AKT3: variants seen among roughly 807,000 people sequenced by gnomAD.
The protein encoded by AKT3 is RAC-gamma serine/threonine-protein kinase.
Under a neutral mutation model 65.3 loss-of-function variants are expected in AKT3, and 15 were observed. The observed-to-expected ratio is 0.23, with a 90% confidence interval of 0.15 to 0.35. The LOEUF is 0.35. Among genes scored for constraint, AKT3 ranks in the 10% least tolerant of loss-of-function variants. The pLI, the probability that AKT3 is intolerant of heterozygous loss-of-function variation, is 1.00. For missense variants in AKT3, 243 were observed against 576.5 expected (o/e 0.42, Z 5.92); for synonymous variants, 206 against 183.8 (o/e 1.12, Z -0.98).
chr1:243,626,442 A>G, intron 6 of AKT3, among the ~76,000 whole-genome samples: 1 of 152,320 alleles, frequency 6.6e-6, no homozygotes, highest in Admixed American at 6.5e-5. Flanking sequence ...CAAACACTCT[A>G]TGCACCCTAA....
intron 8 of AKT3, 102 bp from the exon 9 acceptor site, chr1:243,573,150 G>T: frequency 7.3e-7 from 1 of 1,369,358 alleles, no homozygotes; most frequent in Non-Finnish European, 1.0e-6. Flanking sequence ...TGTGATGATA[G>T]ATAGTGTACT....
chr1:243,572,829 C>T (rs2148506530), intron 9 of AKT3, 97 bp downstream of exon 9: 1 of 1,268,064 alleles, frequency 7.9e-7, no homozygotes, highest in East Asian at 2.5e-5. Context: ...CCAACTAAAT[C>T]TGCTTTTCTC....
Position 243,686,650 on chromosome 1 carries a change from T to TATATATATATATATATATATATA in AKT3, c.172+8940_172+8941insTATATATATATATATATATATAT, listed in dbSNP as rs1558719596. Among the ~76,000 whole-genome samples, 11 of 32,456 alleles carry TATATATATATATATATATATATA rather than the reference T, an allele frequency of 3.4e-4. 1 individual carries two copies. The highest frequency in any genetic ancestry group is 1.1e-3 in the African/African-American group (11 of 10,118). The allele number at this position is 32,456 out of a possible 152,430, so 21.3% of individuals were successfully genotyped here. A position where few individuals can be genotyped will look rare whatever the true frequency, so the allele number is the denominator to read the frequency against. ...GTTTTCATATATATATATATATATA[T>TATATATATATATATATATATATA]ATTTTTTTTTTTTTTTTTTTTTTTT... is the stretch of plus-strand genomic sequence containing the variant. On this transcript the variant is annotated intron_variant, in intron 3 of 13. Coordinates refer to ENST00000673466, the MANE Select transcript of AKT3 (RefSeq NM_005465.7).
At chr1:243,807,908 T>C (rs1692849337) in intron 2 of AKT3, among the ~76,000 whole-genome samples, 1 of 152,178 alleles carries the variant, frequency 6.6e-6, no homozygotes, top group Non-Finnish European at 1.5e-5. Flanking sequence ...CTGCTAATGA[T>C]ACCCAGGCAA....
chr1:243,820,098 T>C (rs1200331559), intron 2 of AKT3, among the ~76,000 whole-genome samples: 2 of 152,136 alleles, frequency 1.3e-5, no homozygotes, highest in East Asian at 3.9e-4. Context: ...TTTTGTATTT[T>C]TTAGTAGAGA....
At chr1:243,653,175 T>C (rs1572106494) in intron 4 of AKT3, among the ~76,000 whole-genome samples, 2 of 152,200 alleles carry the variant, frequency 1.3e-5, no homozygotes, top group Admixed American at 1.3e-4. Flanking sequence ...TCACCGTCAA[T>C]CCCACAGAAA....
At chr1:243,558,475 C>T (rs1396212698) in intron 10 of AKT3, among the ~76,000 whole-genome samples, 1 of 151,932 alleles carries the variant, frequency 6.6e-6, no homozygotes, top group African/African-American at 2.4e-5. Context: ...AAAACATTTT[C>T]TAAGAATGGG....
At chr1:243,843,431 T>C (rs763487546) in intron 1 of AKT3, 149 bp from the exon 2 acceptor site, 14 of 1,091,420 alleles carry the variant, frequency 1.3e-5, no homozygotes, top group Non-Finnish European at 1.6e-5. Flanking sequence ...ATTTATTAAA[T>C]AGTTCTATAA....
intron 2 of AKT3, among the ~76,000 whole-genome samples, chr1:243,732,330 G>A (rs1315245054): frequency 6.6e-6 from 1 of 152,188 alleles, no homozygotes; most frequent in East Asian, 1.9e-4. Context: ...CATACCTAAA[G>A]CTGCCTCTTT....
chr1:243,701,623 A>C (rs1685464974), intron 2 of AKT3, among the ~76,000 whole-genome samples: 1 of 151,198 alleles, frequency 6.6e-6, no homozygotes, highest in African/African-American at 2.4e-5. Context: ...GAAACAACAC[A>C]ATCACCATTT....
intron 2 of AKT3, among the ~76,000 whole-genome samples, chr1:243,725,402 T>C (rs1242542684): frequency 6.6e-6 from 1 of 152,084 alleles, no homozygotes. Flanking sequence ...AAGTATTCCA[T>C]GGGGGCACTG....
intron 2 of AKT3, among the ~76,000 whole-genome samples, chr1:243,738,797 A>G (rs768608160): frequency 3.3e-5 from 5 of 152,260 alleles, no homozygotes; most frequent in Non-Finnish European, 7.3e-5. Flanking sequence ...CTAAAAAGCA[A>G]ACATTAAAAA....
At chr1:243,573,984 G>A (rs1674747697) in intron 8 of AKT3, among the ~76,000 whole-genome samples, 1 of 152,114 alleles carries the variant, frequency 6.6e-6, no homozygotes, top group Non-Finnish European at 1.5e-5. Context: ...TCAGAACAAT[G>A]AAAGATTGTT....
chr1:243,637,153 T>A (rs985255518), intron 6 of AKT3, among the ~76,000 whole-genome samples: 31 of 152,082 alleles, frequency 2.0e-4, no homozygotes, highest in Admixed American at 1.3e-4. Flanking sequence ...AAGTAAGTCT[T>A]CCTAAAATAA....
chr1:243,673,058 T>C (rs1305429164), intron 3 of AKT3, among the ~76,000 whole-genome samples: 6 of 152,192 alleles, frequency 3.9e-5, no homozygotes, highest in Non-Finnish European at 1.5e-5. Context: ...TGGCTTTGAT[T>C]TTGGTTTTTG....
intron 6 of AKT3, among the ~76,000 whole-genome samples, chr1:243,629,436 A>T (rs1482674009): frequency 6.6e-6 from 1 of 152,200 alleles, no homozygotes; most frequent in Non-Finnish European, 1.5e-5. Context: ...GACTGGAACC[A>T]GCAAGTGGAT....
At chr1:243,645,693 A>G (rs1440284624) in intron 5 of AKT3, among the ~76,000 whole-genome samples, 200 bp downstream of exon 5, 1 of 152,236 alleles carries the variant, frequency 6.6e-6, no homozygotes, top group Non-Finnish European at 1.5e-5. Flanking sequence ...ATTCAGTGCT[A>G]AAGTGCTGGA....
intron 4 of AKT3, among the ~76,000 whole-genome samples, chr1:243,661,173 C>G (rs1396523577): frequency 2.0e-5 from 3 of 152,134 alleles, no homozygotes; most frequent in Non-Finnish European, 4.4e-5. Flanking sequence ...CATCAAGCTA[C>G]CAATGACTTT....
rs548598439 is a variant in AKT3, at chr1:243,681,539, C to T, written c.172+14052G>A. ...CCATCTACGACATCTATATTTGTTCCTTTGCTCTAGCAGAAAGAAGTCTCG... is the reference window on the plus strand; with the variant it reads ...CCATCTACGACATCTATATTTGTTCTTTTGCTCTAGCAGAAAGAAGTCTCG... On this transcript the variant is annotated intron_variant, in intron 3 of 13. Transcript: ENST00000673466. 8.5e-5 allele frequency among the ~76,000 whole-genome samples: 13 copies of T among 152,174 alleles called. No homozygotes were observed. In the South Asian group the frequency reaches 2.7e-3, roughly 32 times the overall value.
Sources: gnomAD v4.1 joint callset for allele counts (sites outside exome capture counted in the v4.1 genomes callset) on GRCh38, gnomAD v4.1.1 for gene constraint, MANE v1.5 for transcripts, NCBI Gene and HGNC (gene_info 2026-07-23, HGNC 2026-07-21) for gene names.